Variants in ADAM18 observed in about 807,000 individuals in gnomAD.
The protein encoded by ADAM18 is ADAM metallopeptidase domain 18.
Under a neutral mutation model 94.4 loss-of-function variants are expected in ADAM18, and 117 were observed. The observed-to-expected ratio is 1.24, with a 90% CI of 1.07 to 1.45. The LOEUF is 1.45. ADAM18 is among the 40% of genes most tolerant of loss of function. The probability of loss-of-function intolerance (pLI) is 0.00; values close to 1 mark genes in which losing one functional copy is unlikely to be tolerated. For missense variants in ADAM18, 936 were observed against 880.0 expected, an observed-to-expected ratio of 1.06 and a Z score of -0.81; for synonymous variants, 327 against 291.6, an observed-to-expected ratio of 1.12 and a Z score of -1.24.
At chr8:39,591,027 T>C (rs1392030150) in intron 2 of ADAM18, among the ~76,000 whole-genome samples, 1 of 152,196 alleles carries the variant, frequency 6.6e-6, no homozygotes, top group Admixed American at 6.5e-5. Flanking sequence ...CTATATACTA[T>C]AGTTTATTAA....
chr8:39,700,914 A>T (rs1822051655), intron 17 of ADAM18, among the ~76,000 whole-genome samples: 1 of 151,510 alleles, frequency 6.6e-6, no homozygotes, highest in African/African-American at 2.4e-5. Context: ...GGAGATCGAG[A>T]CCATCCTGGC....
intron 17 of ADAM18, among the ~76,000 whole-genome samples, chr8:39,704,489 T>A (rs548771619): frequency 7.9e-5 from 12 of 152,146 alleles, no homozygotes; most frequent in Non-Finnish European, 1.5e-4. Context: ...AGAAAAGGCT[T>A]TTGATAAAAT....
At chr8:39,669,710 A>G (rs1821100440) in intron 14 of ADAM18, among the ~76,000 whole-genome samples, 1 of 151,884 alleles carries the variant, frequency 6.6e-6, no homozygotes, top group Non-Finnish European at 1.5e-5. Context: ...AATCCAGTCC[A>G]TCATTGTTGG....
chr8:39,630,085 T>A (rs1009296059), intron 7 of ADAM18, among the ~76,000 whole-genome samples: 4 of 152,034 alleles, frequency 2.6e-5, no homozygotes, highest in Non-Finnish European at 5.9e-5. Context: ...TGCCTTAATG[T>A]CATTTTAAAA....
At chr8:39,620,203 A>G (rs920244577) in intron 6 of ADAM18, among the ~76,000 whole-genome samples, 2 of 152,028 alleles carry the variant, frequency 1.3e-5, no homozygotes, top group South Asian at 4.1e-4. Context: ...CCTATCTCTG[A>G]ACTTATACAA....
At chr8:39,707,103 T>C (rs565209303) in intron 18 of ADAM18, among the ~76,000 whole-genome samples, 199 bp downstream of exon 18, 1 of 152,330 alleles carries the variant, frequency 6.6e-6, no homozygotes, top group East Asian at 1.9e-4. Context: ...CTATGCTTTT[T>C]CCTACATATA....
chr8:39,619,324 G>T (rs1819538503), intron 6 of ADAM18, among the ~76,000 whole-genome samples: 1 of 152,116 alleles, frequency 6.6e-6, no homozygotes, highest in African/African-American at 2.4e-5. Flanking sequence ...GCGACCGAAT[G>T]GACATTTACA....
chr8:39,723,376 T>TC (rs1822812876), intron 18 of ADAM18, among the ~76,000 whole-genome samples: 1 of 151,514 alleles, frequency 6.6e-6, no homozygotes, highest in African/African-American at 2.4e-5. Context: ...TAAATGGTTT[T>TC]CTCTAAGGAA....
intron 16 of ADAM18, 111 bp from the exon 17 acceptor site, chr8:39,692,489 T>C (rs1821808620): frequency 2.1e-6 from 1 of 476,206 alleles, no homozygotes; most frequent in Non-Finnish European, 3.7e-6. Flanking sequence ...TTAATATTAC[T>C]AAAAGTCTTT....
intron 19 of ADAM18, among the ~76,000 whole-genome samples, chr8:39,728,705 G>T (rs1822990142): frequency 6.6e-6 from 1 of 152,080 alleles, no homozygotes; most frequent in Non-Finnish European, 1.5e-5. Context: ...TTGTTTGTAA[G>T]TCAAACAAAT....
intron 18 of ADAM18, among the ~76,000 whole-genome samples, chr8:39,714,083 A>G (rs2129581546): frequency 6.6e-6 from 1 of 152,318 alleles, no homozygotes; most frequent in East Asian, 1.9e-4. Flanking sequence ...ACCGTGGCAC[A>G]TGTACACCAT....
chr8:39,589,821 T>G (rs959525350), intron 2 of ADAM18, among the ~76,000 whole-genome samples: 1 of 152,112 alleles, frequency 6.6e-6, no homozygotes, highest in African/African-American at 2.4e-5. Context: ...GCAGCCAAAA[T>G]ACACATGAAA....
chr8:39,621,285 GACATGAACACAT>G (rs1819605437), intron 6 of ADAM18, among the ~76,000 whole-genome samples: 6 of 149,000 alleles, frequency 4.0e-5, no homozygotes, highest in Admixed American at 1.3e-4. Flanking sequence ...TTTTAAATGT[GACATGAACACAT>G]GCATGACAAA....
chr8:39,590,668 C>T (rs559359398), intron 2 of ADAM18, among the ~76,000 whole-genome samples: 158 of 152,230 alleles, frequency 1.0e-3, no homozygotes, highest in African/African-American at 3.7e-3. Context: ...GACATTTTGC[C>T]TTTAATTTCC....
At chr8:39,633,118 C>G (rs1359992126) in intron 7 of ADAM18, among the ~76,000 whole-genome samples, 6 of 152,080 alleles carry the variant, frequency 3.9e-5, no homozygotes, top group African/African-American at 1.2e-4. Flanking sequence ...GTTTGTGGAG[C>G]CTTGATGTGA....
chr8:39,654,534 A>T (rs1820633826), intron 12 of ADAM18, among the ~76,000 whole-genome samples: 1 of 152,118 alleles, frequency 6.6e-6, no homozygotes, highest in Middle Eastern at 3.2e-3. Flanking sequence ...TGAGTATACT[A>T]ATTTCCTCTC....
chr8:39,612,969 C>T (rs1304480856), intron 6 of ADAM18, among the ~76,000 whole-genome samples: 14 of 152,226 alleles, frequency 9.2e-5, no homozygotes, highest in Admixed American at 8.5e-4. Flanking sequence ...GTTGCAGCCT[C>T]ACCCCTGCCA....
Position 39,725,761 on chromosome 8 carries a change from C to G in ADAM18, c.2177+1854C>G, listed in dbSNP as rs531902583. Among the ~76,000 whole-genome samples the G allele has an allele frequency of 6.6e-5, 10 of 152,194 alleles. No individual in the cohort carries two copies. In the South Asian group the frequency reaches 2.1e-3, roughly 32 times the overall value. ...TCTTTATCTATTTACCCATGATGGA[C>G]ATTTAGGTTGTTACCATATCATAGC... is the stretch of plus-strand genomic sequence containing the variant. On this transcript the variant is annotated intron_variant, in intron 19 of 19. Coordinates refer to ENST00000265707, the MANE Select transcript of ADAM18 (RefSeq NM_014237.3).
intron 6 of ADAM18, among the ~76,000 whole-genome samples, chr8:39,621,259 A>G (rs953967733): frequency 2.6e-5 from 4 of 151,808 alleles, no homozygotes; most frequent in African/African-American, 7.3e-5. Context: ...TACATACTTA[A>G]TAGAGCAGCT....
Sources: gnomAD v4.1 joint callset for allele counts (sites outside exome capture counted in the v4.1 genomes callset) on GRCh38, gnomAD v4.1.1 for gene constraint, MANE v1.5 for transcripts, NCBI Gene and HGNC (gene_info 2026-07-23, HGNC 2026-07-21) for gene names.